Variants in MET observed in about 807,000 individuals in gnomAD.
MET encodes the protein hepatocyte growth factor receptor.
In MET, 48 loss-of-function variants were observed where a neutral mutation model predicts 133.1. That is an observed-to-expected ratio of 0.36 (90% CI 0.29 to 0.46). MET has a LOEUF of 0.46. Ranked by LOEUF, MET falls within the 20% of genes least tolerant of loss-of-function variation. The pLI, the probability that MET is intolerant of heterozygous loss-of-function variation, is 1.00. For synonymous variants in MET, 628 were observed against 616.5 expected, an observed-to-expected ratio of 1.02 and a Z score of -0.28; for missense variants, 1,442 against 1,695.9, an observed-to-expected ratio of 0.85 and a Z score of 2.63.
intron 2 of MET, chr7:116,724,904 A>G (rs749156725): frequency 4.0e-5 from 49 of 1,234,874 alleles, no homozygotes; most frequent in Non-Finnish European, 5.1e-5. Context: ...CTGAGATTCC[A>G]TGAATTAATA....
intron 5 of MET, among the ~76,000 whole-genome samples, chr7:116,746,151 T>A (rs1442779830): frequency 6.6e-6 from 1 of 152,228 alleles, no homozygotes; most frequent in Non-Finnish European, 1.5e-5. Flanking sequence ...AAAGAAGACA[T>A]TTATGCAGTC....
chr7:116,736,277 TG>T (rs1219127604), intron 3 of MET, among the ~76,000 whole-genome samples: 1 of 151,722 alleles, frequency 6.6e-6, no homozygotes, highest in Non-Finnish European at 1.5e-5. Flanking sequence ...TAAGAGGATA[TG>T]GGGAGACTGG....
intron 6 of MET, 61 bp downstream of exon 6, chr7:116,755,576 A>C: frequency 5.0e-6 from 8 of 1,601,256 alleles, no homozygotes; most frequent in Non-Finnish European, 6.8e-6. Flanking sequence ...TTTTTGAATG[A>C]ATATTTCTTT....
chr7:116,721,884 TGAG>T (rs1792501979), intron 2 of MET, among the ~76,000 whole-genome samples: 1 of 152,214 alleles, frequency 6.6e-6, no homozygotes, highest in African/African-American at 2.4e-5. Context: ...TTACATTTGC[TGAG>T]GAGAGCTTTA....
chr7:116,737,121 C>G lies in MET; in HGVS notation c.1393-2829C>G, dbSNP rs1375517431. ...ATTTGCATCTGTGGTACAGCCTCTG[C>G]GCAAAATTCCAAATGGCATTCTCAC... On this transcript the variant is annotated intron_variant, in intron 3 of 20. Transcript: ENST00000397752. Among the ~76,000 whole-genome samples, 3 of 152,216 alleles carry G rather than the reference C, an allele frequency of 2.0e-5. No individual in the cohort carries two copies. In the South Asian group the frequency reaches 6.2e-4, roughly 32 times the overall value.
At chr7:116,764,068 C>A (rs1273316276) in intron 11 of MET, among the ~76,000 whole-genome samples, 2 of 152,030 alleles carry the variant, frequency 1.3e-5, no homozygotes, top group Non-Finnish European at 2.9e-5. Context: ...CAAATATGAA[C>A]AAACATAAAG....
intron 1 of MET, among the ~76,000 whole-genome samples, chr7:116,675,589 C>T (rs996861682): frequency 6.6e-6 from 1 of 152,046 alleles, no homozygotes; most frequent in Non-Finnish European, 1.5e-5. Context: ...AGACTAGCTC[C>T]ATGCTATTTC....
rs183047489 is a variant in MET at position 116,792,941 on chromosome 7, A to G, written c.3799-2714A>G. 4.6e-5 allele frequency among the ~76,000 whole-genome samples: 7 copies of G among 152,352 alleles called. No individual in the cohort carries two copies. In the East Asian group the frequency reaches 1.4e-3, roughly 29 times the overall value. ...ATATAATGCCTATGCATGAATCATT[A>G]TATGACAAATACACTCTTTCACTAC... On this transcript the variant is annotated intron_variant, in intron 19 of 20. Coordinates refer to ENST00000397752, the MANE Select transcript of MET (RefSeq NM_000245.4).
chr7:116,712,229 T>C (rs1456789058), intron 2 of MET, among the ~76,000 whole-genome samples: 1 of 152,196 alleles, frequency 6.6e-6, no homozygotes, highest in Non-Finnish European at 1.5e-5. Flanking sequence ...AAAACTTCCA[T>C]GCTGGCATTT....
intron 2 of MET, among the ~76,000 whole-genome samples, chr7:116,721,884 T>C (rs1395862494): frequency 1.3e-5 from 2 of 152,332 alleles, no homozygotes; most frequent in African/African-American, 4.8e-5. Flanking sequence ...TTACATTTGC[T>C]GAGGAGAGCT....
chr7:116,736,919 C>A (rs1793236343), intron 3 of MET, among the ~76,000 whole-genome samples: 1 of 152,076 alleles, frequency 6.6e-6, no homozygotes, highest in East Asian at 1.9e-4. Context: ...TCCATGACAA[C>A]CAAAAGGAAC....
chr7:116,720,165 C>G (rs2116706913), intron 2 of MET, among the ~76,000 whole-genome samples: 1 of 151,472 alleles, frequency 6.6e-6, no homozygotes, highest in Admixed American at 6.6e-5. Context: ...TTTCCTTGAG[C>G]AGTGGTTTGT....
At chr7:116,732,517 C>T (rs1010259602) in intron 3 of MET, among the ~76,000 whole-genome samples, 3 of 152,172 alleles carry the variant, frequency 2.0e-5, no homozygotes, top group Non-Finnish European at 4.4e-5. Flanking sequence ...TTAAAAGACT[C>T]TCTTGTTGGG....
chr7:116,716,339 A>AGAGAC (rs1562893020), intron 2 of MET, among the ~76,000 whole-genome samples: 1 of 105,238 alleles, frequency 9.5e-6, no homozygotes, highest in Non-Finnish European at 2.1e-5. Flanking sequence ...GAGAGAGAGA[A>AGAGAC]AAGAAACGGA....
chr7:116,729,122 C>T (rs935574732), intron 2 of MET, among the ~76,000 whole-genome samples: 11 of 152,310 alleles, frequency 7.2e-5, no homozygotes, highest in Middle Eastern at 3.4e-3. Context: ...ATCAATTAAT[C>T]GGTTGCTATC....
chr7:116,703,940 A>C (rs1752908905), intron 2 of MET, among the ~76,000 whole-genome samples: 2 of 152,176 alleles, frequency 1.3e-5, no homozygotes, highest in South Asian at 4.1e-4. Context: ...TTTTTCTTGA[A>C]GTTCTATTAT....
intron 15 of MET, among the ~76,000 whole-genome samples, chr7:116,776,542 G>T (rs1274719337): frequency 6.6e-6 from 1 of 152,168 alleles, no homozygotes; most frequent in East Asian, 1.9e-4. Context: ...TAGCTACTAT[G>T]TATTTATATG....
At position 116,699,092 on chromosome 7, in the gene MET, C is replaced by G. The variant is rs1797064164; in HGVS notation, c.8C>G (p.Ala3Gly). 1 of 1,613,818 alleles carries G rather than the reference C, an allele frequency of 6.2e-7. No homozygotes were observed. Among genetic ancestry groups the G allele is most frequent in the East Asian group, 2.2e-5 (1 of 44,878 alleles). ...GCAGATAAACCTCTCATAATGAAGG[C>G]CCCCGCTGTGCTTGCACCTGGCATC... Reference protein sequence around the residue: MKAPAVLAPGILV... With the variant: MKGPAVLAPGILV... Residue 3 changes from alanine to glycine, a missense_variant, in exon 2 of 21, where the codon GCC (alanine) becomes GGC (glycine). Ala to Gly is a moderately conservative substitution (Grantham distance 60, BLOSUM62 0). Coordinates refer to ENST00000397752, the MANE Select transcript of MET (RefSeq NM_000245.4).
At chr7:116,695,820 C>T in intron 1 of MET, 1 of 478,088 alleles carries the variant, frequency 2.1e-6, no homozygotes, top group South Asian at 1.6e-5. Context: ...AATACATGTT[C>T]TTGTTATTTT....
Sources: allele counts gnomAD v4.1 joint callset (sites outside exome capture counted in the v4.1 genomes callset), GRCh38; gene constraint gnomAD v4.1.1; transcripts MANE v1.5; gene names NCBI Gene and HGNC (gene_info 2026-07-23, HGNC 2026-07-21).